The following GPHN variants were observed in gnomAD, a reference collection of about 807,000 sequenced individuals.
GPHN encodes gephyrin.
A neutral mutation model predicts 95.5 loss-of-function variants in GPHN; 17 were observed. The observed-to-expected ratio is 0.18, with a 90% CI of 0.12 to 0.27. GPHN has a LOEUF of 0.27. Among genes scored for constraint, GPHN ranks in the 10% least tolerant of loss-of-function variants. GPHN has a pLI of 1.00. For missense variants in GPHN, 660 were observed against 978.1 expected, an observed-to-expected ratio of 0.67 and a Z score of 4.34; for synonymous variants, 320 against 322.5, an observed-to-expected ratio of 0.99 and a Z score of 0.08.
chr14:67,222,923 T>G, the GPHN span, among the ~76,000 whole-genome samples: 1 of 150,934 alleles, frequency 6.6e-6, no homozygotes, highest in East Asian at 1.9e-4. Flanking sequence ...CAAGAGTCAG[T>G]CCCACAAAAA....
At chr14:67,711,890 T>C in the GPHN span, among the ~76,000 whole-genome samples, 1 of 152,154 alleles carries the variant, frequency 6.6e-6, no homozygotes, top group Non-Finnish European at 1.5e-5. Context: ...TAGGATTGTA[T>C]AAGGAGACAA....
chr14:66,713,581 G>A (rs1291883532), intron 2 of GPHN, among the ~76,000 whole-genome samples: 1 of 151,886 alleles, frequency 6.6e-6, no homozygotes, highest in East Asian at 1.9e-4. Flanking sequence ...CTCCAGGTTT[G>A]TTCTTTTTGC....
chr14:66,691,364 C>T (rs1460618109), intron 2 of GPHN, among the ~76,000 whole-genome samples: 1 of 151,524 alleles, frequency 6.6e-6, no homozygotes, highest in Non-Finnish European at 1.5e-5. Context: ...TTTGTATTTT[C>T]GGTAGAGACA....
chr14:67,650,955 A>T, the GPHN span: 2 of 1,595,134 alleles, frequency 1.3e-6, no homozygotes, highest in Non-Finnish European at 1.7e-6. Flanking sequence ...CACAACAGGC[A>T]TTCCAGAATT....
At chr14:67,275,686 A>G in the GPHN span, among the ~76,000 whole-genome samples, 1 of 152,200 alleles carries the variant, frequency 6.6e-6, no homozygotes, top group Non-Finnish European at 1.5e-5. Flanking sequence ...CAATAGTTTC[A>G]GAAGGAATGG....
At chr14:67,586,744 A>T in the GPHN span, 1 of 1,220,398 alleles carries the variant, frequency 8.2e-7, no homozygotes, top group Non-Finnish European at 1.1e-6. Context: ...CTCCTTTAAT[A>T]CCACCCCTGC....
intron 9 of GPHN, among the ~76,000 whole-genome samples, chr14:67,019,018 C>G (rs1228450402): frequency 6.6e-6 from 1 of 152,140 alleles, no homozygotes; most frequent in Non-Finnish European, 1.5e-5. Flanking sequence ...AATCAAAGTT[C>G]ATCTCACACA....
At chr14:66,856,149 G>A in intron 4 of GPHN, among the ~76,000 whole-genome samples, 1 of 152,062 alleles carries the variant, frequency 6.6e-6, no homozygotes, top group Non-Finnish European at 1.5e-5. Flanking sequence ...CAGTTCAAAT[G>A]TAAGGCAACT....
intron 13 of GPHN, among the ~76,000 whole-genome samples, chr14:67,103,445 C>G (rs940905485): frequency 6.8e-6 from 1 of 146,098 alleles, no homozygotes; most frequent in African/African-American, 2.5e-5. Context: ...TCGCTTTTTT[C>G]GTAGTATGGT....
chr14:67,695,892 T>C, the GPHN span: 1 of 598,836 alleles, frequency 1.7e-6, no homozygotes, highest in Non-Finnish European at 3.0e-6. Flanking sequence ...CTGGCAGAAG[T>C]TGAATTATAC....
intron 1 of GPHN, among the ~76,000 whole-genome samples, chr14:66,656,046 T>C (rs2065288155): frequency 6.6e-6 from 1 of 152,122 alleles, no homozygotes; most frequent in Admixed American, 6.5e-5. Context: ...ATGAGAAATA[T>C]TTGTCTTTGG....
At chr14:67,406,439 G>A in the GPHN span, among the ~76,000 whole-genome samples, 20 of 152,092 alleles carry the variant, frequency 1.3e-4, no homozygotes, top group African/African-American at 7.2e-5. Flanking sequence ...GGCAGGTCAG[G>A]AAGTCAAGGA....
intron 13 of GPHN, among the ~76,000 whole-genome samples, chr14:67,103,683 C>T (rs1447966588): frequency 1.3e-5 from 2 of 150,480 alleles, no homozygotes; most frequent in African/African-American, 4.9e-5. Flanking sequence ...CTAGTTTGTT[C>T]TTGGTGTGTA....
At position 66,701,680 on chromosome 14, in the gene GPHN, G is replaced by A. The variant is rs552470791; in HGVS notation, c.143+20495G>A. 2.4e-4 allele frequency among the ~76,000 whole-genome samples: 37 copies of A among 152,264 alleles called. 1 individual carries two copies. In the South Asian group the frequency reaches 7.7e-3, roughly 32 times the overall value. On this transcript the variant is annotated intron_variant, in intron 2 of 22. Coordinates refer to ENST00000478722, the MANE Select transcript of GPHN (RefSeq NM_020806.5). The stretch of plus-strand genomic sequence containing the variant: ...ACCCATGGATCAGAAGATCACACTC[G>A]TGAACCTACGCTACCAGGGCCTAAC...
At chr14:66,511,532 T>TG (rs1270590817) in intron 1 of GPHN, among the ~76,000 whole-genome samples, 3 of 152,280 alleles carry the variant, frequency 2.0e-5, no homozygotes, top group Admixed American at 6.5e-5. Context: ...GAAGTCATAT[T>TG]GTCATTTCTA....
chr14:67,293,027 A>T, the GPHN span, among the ~76,000 whole-genome samples: 1 of 152,126 alleles, frequency 6.6e-6, no homozygotes, highest in Non-Finnish European at 1.5e-5. Flanking sequence ...AGTTTTATGA[A>T]TTTTAAGCAT....
chr14:67,044,860 C>G (rs1174049231), intron 10 of GPHN, among the ~76,000 whole-genome samples: 1 of 151,748 alleles, frequency 6.6e-6, no homozygotes, highest in Non-Finnish European at 1.5e-5. Context: ...GTCTCTGTCT[C>G]TCTCTCTCTG....
At chr14:67,357,287 C>T in the GPHN span, among the ~76,000 whole-genome samples, 1 of 152,230 alleles carries the variant, frequency 6.6e-6, no homozygotes, top group South Asian at 2.1e-4. Context: ...AAAACTTGCT[C>T]CTTTACATGT....
At chr14:66,973,529 C>T (rs749263539) in intron 9 of GPHN, among the ~76,000 whole-genome samples, 12 of 152,270 alleles carry the variant, frequency 7.9e-5, no homozygotes, top group Middle Eastern at 3.4e-3. Context: ...AACGCCAAGG[C>T]GGGTGGATCA....
Sources: gnomAD v4.1 joint callset for allele counts (sites outside exome capture counted in the v4.1 genomes callset) on GRCh38, gnomAD v4.1.1 for gene constraint, MANE v1.5 for transcripts, NCBI Gene and HGNC (gene_info 2026-07-23, HGNC 2026-07-21) for gene names.